The following COL24A1 variants were observed in gnomAD, a reference collection of about 807,000 sequenced individuals.
COL24A1 encodes collagen alpha-1(XXIV) chain.
In COL24A1, 224 loss-of-function variants were observed where a neutral mutation model predicts 253.9. The observed-to-expected ratio is 0.88, with a 90% confidence interval of 0.79 to 0.99. The LOEUF (loss-of-function observed/expected upper bound fraction) is 0.99, where lower values mean the gene tolerates loss of function less well. Ranked by LOEUF, COL24A1 falls within the 50% of genes least tolerant of loss-of-function variation. The pLI is 0.00. For missense variants in COL24A1, 2,131 were observed against 2,068.5 expected (o/e 1.03, Z -0.59); for synonymous variants, 685 against 673.7 (o/e 1.02, Z -0.26).
At chr1:85,730,872 T>C (rs1557908650) in intron 59 of COL24A1, among the ~76,000 whole-genome samples, 180 bp from the exon 60 acceptor site, 2 of 152,216 alleles carry the variant, frequency 1.3e-5, no homozygotes, top group South Asian at 2.1e-4. Flanking sequence ...CCTGGACTTA[T>C]TCCTTTCTCT....
At chr1:85,790,269 G>A (rs1208254437) in intron 47 of COL24A1, among the ~76,000 whole-genome samples, 2 of 152,100 alleles carry the variant, frequency 1.3e-5, no homozygotes, top group East Asian at 1.9e-4. Context: ...ACTGTTACTG[G>A]TTCAGTCTTG....
At chr1:85,770,655 T>C (rs558777720) in intron 53 of COL24A1, among the ~76,000 whole-genome samples, 2 of 152,336 alleles carry the variant, frequency 1.3e-5, no homozygotes, top group South Asian at 4.1e-4. Context: ...ATGTTAAATC[T>C]ATACAATAAA....
intron 27 of COL24A1, 150 bp downstream of exon 27, chr1:85,908,448 G>C (rs1470007441): frequency 2.2e-6 from 1 of 457,748 alleles, no homozygotes; most frequent in Non-Finnish European, 4.0e-6. Flanking sequence ...ACAAATTCAA[G>C]AGTGTTTTGT....
At chr1:86,049,102 A>G (rs953240812) in intron 11 of COL24A1, among the ~76,000 whole-genome samples, 4 of 152,196 alleles carry the variant, frequency 2.6e-5, no homozygotes, top group African/African-American at 7.2e-5. Flanking sequence ...GCTGTAGTAC[A>G]TGAAGGTTAG....
intron 42 of COL24A1, among the ~76,000 whole-genome samples, chr1:85,839,025 C>T (rs1455656018): frequency 6.6e-6 from 1 of 151,874 alleles, no homozygotes; most frequent in East Asian, 1.9e-4. Flanking sequence ...TAACGTGAGA[C>T]CCTGTCTCTA....
At chr1:86,063,649 T>C in intron 8 of COL24A1, 66 bp downstream of exon 8, 1 of 1,182,448 alleles carries the variant, frequency 8.5e-7, no homozygotes, top group Non-Finnish European at 1.2e-6. Context: ...AAATAATCTC[T>C]CAAAGGAGTT....
chr1:86,056,660 C>T (rs187081308), intron 10 of COL24A1, among the ~76,000 whole-genome samples: 2 of 152,056 alleles, frequency 1.3e-5, no homozygotes, highest in Non-Finnish European at 2.9e-5. Context: ...TTGAGAGCAG[C>T]CTGGCCAACA....
At chr1:86,042,636 T>C (rs1699591149) in intron 12 of COL24A1, among the ~76,000 whole-genome samples, 1 of 152,152 alleles carries the variant, frequency 6.6e-6, no homozygotes, top group East Asian at 1.9e-4. Context: ...TAAGAGAAGA[T>C]AGCTCTTATT....
chr1:86,001,387 G>C (rs143452611), intron 19 of COL24A1, among the ~76,000 whole-genome samples: 8 of 152,298 alleles, frequency 5.3e-5, no homozygotes, highest in South Asian at 2.1e-4. Flanking sequence ...AGCAAGAAAT[G>C]GTGGCCAGTC....
intron 52 of COL24A1, among the ~76,000 whole-genome samples, chr1:85,779,807 T>A (rs1668970746): frequency 6.6e-6 from 1 of 152,170 alleles, no homozygotes; most frequent in Non-Finnish European, 1.5e-5. Flanking sequence ...CACTGGTATT[T>A]TTTTTCCCAA....
chr1:85,778,340 C>T (rs1175352608), intron 52 of COL24A1, among the ~76,000 whole-genome samples: 2 of 152,004 alleles, frequency 1.3e-5, no homozygotes, highest in African/African-American at 4.8e-5. Flanking sequence ...TGTGCTCAAG[C>T]AATCTTCCAG....
At chr1:86,044,436 T>G (rs1219852342) in intron 12 of COL24A1, among the ~76,000 whole-genome samples, 1 of 152,174 alleles carries the variant, frequency 6.6e-6, no homozygotes, top group Non-Finnish European at 1.5e-5. Context: ...ACATATAGCA[T>G]ACATAATATA....
At chr1:86,119,320 C>T (rs1706473684) in intron 3 of COL24A1, among the ~76,000 whole-genome samples, 1 of 146,112 alleles carries the variant, frequency 6.8e-6, no homozygotes, top group African/African-American at 2.5e-5. Flanking sequence ...ACCTTGGATA[C>T]ATATTAGTCT....
intron 28 of COL24A1, among the ~76,000 whole-genome samples, chr1:85,903,321 A>G (rs1323000051): frequency 1.3e-5 from 2 of 152,214 alleles, no homozygotes; most frequent in East Asian, 3.8e-4. Context: ...TGTTTAAAGC[A>G]AGAGTAAGCT....
intron 32 of COL24A1, among the ~76,000 whole-genome samples, chr1:85,885,457 G>A (rs1382359373): frequency 6.7e-6 from 1 of 150,232 alleles, no homozygotes; most frequent in Non-Finnish European, 1.5e-5. Flanking sequence ...CTGACCTCAG[G>A]TGATCCACCT....
At chr1:85,817,270 C>T (rs1570737986) in intron 46 of COL24A1, among the ~76,000 whole-genome samples, 1 of 152,134 alleles carries the variant, frequency 6.6e-6, no homozygotes, top group East Asian at 1.9e-4. Flanking sequence ...ATCTGCCAAA[C>T]CTTGTATTGT....
chr1:85,761,627 A>C, intron 53 of COL24A1, 61 bp from the exon 54 acceptor site: 3 of 1,540,072 alleles, frequency 1.9e-6, no homozygotes, highest in Non-Finnish European at 2.7e-6. Context: ...GGTATAAGCA[A>C]GATAACTAAT....
At chr1:85,961,109 C>A in intron 24 of COL24A1, 140 bp downstream of exon 24, 1 of 667,548 alleles carries the variant, frequency 1.5e-6, no homozygotes, top group South Asian at 1.8e-5. Context: ...GCAGAAACAT[C>A]ACAAGTAAGT....
intron 3 of COL24A1, 71 bp from the exon 4 acceptor site, chr1:86,115,449 A>G (rs1706052721): frequency 7.0e-7 from 1 of 1,435,644 alleles, no homozygotes; most frequent in Admixed American, 1.8e-5. Flanking sequence ...TCTGAATAAG[A>G]TTTCCACCCA....
Sources: allele counts gnomAD v4.1 joint callset (sites outside exome capture counted in the v4.1 genomes callset), GRCh38; gene constraint gnomAD v4.1.1; transcripts MANE v1.5; gene names NCBI Gene and HGNC (gene_info 2026-07-23, HGNC 2026-07-21).